Variants in FIG4 observed in about 807,000 individuals in gnomAD.
FIG4 encodes the protein polyphosphoinositide phosphatase.
In FIG4, 112 loss-of-function variants were observed where a neutral mutation model predicts 118.6. That is an observed-to-expected ratio of 0.94 (90% confidence interval 0.81 to 1.11). FIG4 has a LOEUF of 1.11. Ranked by LOEUF, FIG4 falls within the 50% of genes least tolerant of loss-of-function variation. FIG4 has a pLI of 0.00. For missense variants in FIG4, 969 were observed against 1,111.7 expected, an observed-to-expected ratio of 0.87 and a Z score of 1.83; for synonymous variants, 369 against 381.2, an observed-to-expected ratio of 0.97 and a Z score of 0.37.
chr6:109,750,661 T>C (rs954330449), intron 10 of FIG4, among the ~76,000 whole-genome samples: 1 of 152,098 alleles, frequency 6.6e-6, no homozygotes, highest in Admixed American at 6.6e-5. Flanking sequence ...AGAAATGTTA[T>C]GCAAAATCAC....
Position 109,727,112 on chromosome 6 carries a change from T to G in FIG4, c.293T>G (p.Phe98Cys). The G allele has an allele frequency of 6.2e-7, 1 of 1,609,354 alleles. No individual in the cohort carries two copies. Among genetic ancestry groups the G allele is most frequent in the Non-Finnish European group, 8.5e-7 (1 of 1,175,790 alleles). The part of the protein sequence containing the change: ...RAVSAFGVVG[F>C]VRFLEGYYIV... ...CTCTTTATTTTTTGTTGCATAGGTT[T>G]TGTCAGGTTCTTAGAAGGCTATTAT... The change falls in exon 4 of 23, where the codon TTT becomes TGT. Residue 98 changes from phenylalanine (F) to cysteine (C), a missense_variant. Phe to Cys is a radical substitution (Grantham distance 205). This residue lies in a region of FIG4 where 393 missense variants were observed against 409.4 expected (regional missense o/e 0.96). Transcript: ENST00000230124.
chr6:109,727,299 G>A, intron 4 of FIG4, 34 bp downstream of exon 4: 7 of 1,472,890 alleles, frequency 4.8e-6, no homozygotes, highest in Non-Finnish European at 6.6e-6. Context: ...TTTTTTTTTG[G>A]AGACAAGGTC....
chr6:109,784,853 A>G, intron 16 of FIG4, 117 bp from the exon 17 acceptor site: 1 of 536,914 alleles, frequency 1.9e-6, no homozygotes, highest in Non-Finnish European at 3.3e-6. Context: ...AAAGAAAAAT[A>G]TTAACTTTGA....
intron 1 of FIG4, among the ~76,000 whole-genome samples, chr6:109,691,798 G>T (rs1774442393): frequency 6.6e-6 from 1 of 152,134 alleles, no homozygotes; most frequent in Non-Finnish European, 1.5e-5. Flanking sequence ...TTCTCTGTAC[G>T]AGTTACTGGA....
At chr6:109,697,253 C>A (rs1321251732) in intron 1 of FIG4, among the ~76,000 whole-genome samples, 4 of 140,530 alleles carry the variant, frequency 2.8e-5, no homozygotes, top group African/African-American at 1.1e-4. Context: ...CAGAGTGAGA[C>A]TCTGTCTCAA....
At chr6:109,801,223 G>T (rs754530825) in intron 22 of FIG4, among the ~76,000 whole-genome samples, 1 of 152,092 alleles carries the variant, frequency 6.6e-6, no homozygotes, top group Non-Finnish European at 1.5e-5. Context: ...TTCTTCCAGC[G>T]CAGGATAAGC....
rs11505170 is a variant in FIG4, at chr6:109,756,474, A to G, written c.1138-3776A>G. ...TGTTCTCTGTATTTCCTGAATCTGA[A>G]TGTTGGCCTGCCTTGCTAGATTGGG... On this transcript the variant is annotated intron_variant, in intron 10 of 22. Transcript: ENST00000230124. Among the ~76,000 whole-genome samples, 720 of 151,788 alleles carry G rather than the reference A, an allele frequency of 4.7e-3. 6 individuals are homozygous for G. Among genetic ancestry groups the G allele is most frequent in the African/African-American group, 0.016 (681 of 41,282 alleles).
At chr6:109,818,723 C>T (rs11968299) in intron 22 of FIG4, among the ~76,000 whole-genome samples, 1,623 of 152,222 alleles carry the variant, frequency 0.011, 30 homozygotes, top group African/African-American at 0.037. Context: ...ATTCAAAAAG[C>T]CATTACCACA....
chr6:109,758,118 A>G (rs1776979353), intron 10 of FIG4, among the ~76,000 whole-genome samples: 1 of 152,206 alleles, frequency 6.6e-6, no homozygotes, highest in African/African-American at 2.4e-5. Flanking sequence ...TTTAAATTTC[A>G]TATGGAACCA....
At chr6:109,805,001 G>T (rs182106961) in intron 22 of FIG4, among the ~76,000 whole-genome samples, 40 of 152,340 alleles carry the variant, frequency 2.6e-4, no homozygotes, top group African/African-American at 9.1e-4. Context: ...TTGTGAGGGA[G>T]AGATGCAAGG....
At chr6:109,759,295 A>C (rs1479662095) in intron 10 of FIG4, among the ~76,000 whole-genome samples, 1 of 152,168 alleles carries the variant, frequency 6.6e-6, no homozygotes, top group Non-Finnish European at 1.5e-5. Context: ...TGTCGTTGAG[A>C]GTGATGGAAC....
chr6:109,725,634 T>A (rs1309736745), intron 3 of FIG4, among the ~76,000 whole-genome samples: 1 of 152,228 alleles, frequency 6.6e-6, no homozygotes, highest in Non-Finnish European at 1.5e-5. Flanking sequence ...ATGGGATTGC[T>A]GGGTCAAATG....
chr6:109,706,414 T>C (rs1428992310), intron 1 of FIG4, among the ~76,000 whole-genome samples: 3 of 152,196 alleles, frequency 2.0e-5, no homozygotes, highest in African/African-American at 4.8e-5. Context: ...TGTGTTCTCA[T>C]GGCATCTAGT....
intron 10 of FIG4, among the ~76,000 whole-genome samples, chr6:109,751,947 C>A (rs888596794): frequency 6.8e-6 from 1 of 147,980 alleles, no homozygotes; most frequent in African/African-American, 2.5e-5. Flanking sequence ...ATTAACTCGT[C>A]GTTTAGCATT....
At chr6:109,765,220 T>C (rs1374590097) in intron 14 of FIG4, 59 bp downstream of exon 14, 9 of 1,438,882 alleles carry the variant, frequency 6.3e-6, no homozygotes, top group African/African-American at 5.6e-5. Flanking sequence ...ACCTGGTTAC[T>C]AATAAGATTT....
intron 17 of FIG4, chr6:109,785,753 G>A (rs1411312860): frequency 2.1e-6 from 1 of 467,976 alleles, no homozygotes; most frequent in South Asian, 1.6e-5. Flanking sequence ...CCAACTTTGG[G>A]TGGGGAAGGC....
At chr6:109,764,927 T>G in intron 13 of FIG4, 86 bp from the exon 14 acceptor site, 2 of 1,299,182 alleles carry the variant, frequency 1.5e-6, no homozygotes, top group Non-Finnish European at 2.2e-6. Context: ...TTGTTTTTGT[T>G]TTTGTTTCTT....
intron 22 of FIG4, among the ~76,000 whole-genome samples, chr6:109,820,440 G>C (rs542681628): frequency 6.6e-6 from 1 of 152,256 alleles, no homozygotes; most frequent in South Asian, 2.1e-4. Flanking sequence ...CACTCAGATA[G>C]CCAGTCCATC....
chr6:109,716,590 T>A, intron 3 of FIG4, 22 bp downstream of exon 3: 1 of 1,613,140 alleles, frequency 6.2e-7, no homozygotes, highest in Non-Finnish European at 8.5e-7. Flanking sequence ...GCCCCCCTTC[T>A]TACAATCTCT....
Sources: gnomAD v4.1 joint callset for allele counts (sites outside exome capture counted in the v4.1 genomes callset) on GRCh38, gnomAD v4.1.1 for gene constraint, gnomAD v4.1.1 regional missense constraint, MANE v1.5 for transcripts, NCBI Gene and HGNC (gene_info 2026-07-23, HGNC 2026-07-21) for gene names.